Variants in GPC5 observed in about 807,000 individuals in gnomAD.
GPC5 encodes glypican-5.
In GPC5, 47 loss-of-function variants were observed where a neutral mutation model predicts 53.9. The observed-to-expected ratio is 0.87, with a 90% CI of 0.69 to 1.11. GPC5 has a LOEUF of 1.11. Among genes scored for constraint, GPC5 ranks in the 50% most tolerant of loss-of-function variants. The probability of loss-of-function intolerance (pLI) is 0.00; values close to 1 mark genes in which losing one functional copy is unlikely to be tolerated. For missense variants in GPC5, 748 were observed against 713.1 expected, an observed-to-expected ratio of 1.05 and a Z score of -0.56; for synonymous variants, 286 against 263.3, an observed-to-expected ratio of 1.09 and a Z score of -0.84.
chr13:92,260,405 T>G (rs558201399), intron 7 of GPC5, among the ~76,000 whole-genome samples: 138 of 152,306 alleles, frequency 9.1e-4, no homozygotes, highest in Admixed American at 2.2e-3. Flanking sequence ...AGAATCCTAT[T>G]TGAATACCCC....
chr13:91,870,636 C>T (rs976546607), intron 5 of GPC5, among the ~76,000 whole-genome samples: 9 of 152,002 alleles, frequency 5.9e-5, no homozygotes, highest in African/African-American at 7.3e-5. Flanking sequence ...GGAGTCTTCA[C>T]GCTATAGACG....
At chr13:91,573,786 A>G (rs2032032346) in intron 2 of GPC5, among the ~76,000 whole-genome samples, 1 of 152,202 alleles carries the variant, frequency 6.6e-6, no homozygotes, top group African/African-American at 2.4e-5. Flanking sequence ...AAAGAGATAA[A>G]TGTGGAGAGA....
At chr13:91,641,088 G>T (rs926738068) in intron 2 of GPC5, among the ~76,000 whole-genome samples, 5 of 152,310 alleles carry the variant, frequency 3.3e-5, no homozygotes, top group African/African-American at 9.6e-5. Context: ...AGCACTTTGG[G>T]AGGCCGAGGT....
intron 2 of GPC5, among the ~76,000 whole-genome samples, chr13:91,475,777 A>G (rs958358406): frequency 7.2e-5 from 11 of 152,178 alleles, no homozygotes; most frequent in Non-Finnish European, 1.5e-4. Flanking sequence ...GTGCCTCTTA[A>G]AGATGAGGCT....
chr13:92,408,023 G>A lies in GPC5; in HGVS notation c.1561+263034G>A, dbSNP rs190562687. The stretch of plus-strand genomic sequence containing the variant: ...CATGGCCGCCAAGTGGAACTGATCC[G>A]TGGCCCATGGCCTGTTAGGAACTTG... On this transcript the variant is annotated intron_variant, in intron 7 of 7. Transcript: ENST00000377067. Among the ~76,000 whole-genome samples the A allele has an allele frequency of 2.8e-3, 434 of 152,290 alleles. 2 individuals carry two copies. The highest frequency in any genetic ancestry group is 9.8e-3 in the African/African-American group (407 of 41,572).
At chr13:92,729,067 C>A (rs1437538627) in intron 7 of GPC5, among the ~76,000 whole-genome samples, 1 of 151,268 alleles carries the variant, frequency 6.6e-6, no homozygotes, top group Admixed American at 6.6e-5. Flanking sequence ...TTTATCTGTA[C>A]AAGAACAATA....
intron 5 of GPC5, among the ~76,000 whole-genome samples, chr13:91,758,407 C>T (rs2037340264): frequency 6.6e-6 from 1 of 151,940 alleles, no homozygotes; most frequent in South Asian, 2.1e-4. Flanking sequence ...TAATATACTA[C>T]ATTACATTAT....
At chr13:92,794,634 C>A (rs1232262093) in intron 7 of GPC5, among the ~76,000 whole-genome samples, 1 of 152,028 alleles carries the variant, frequency 6.6e-6, no homozygotes, top group Non-Finnish European at 1.5e-5. Flanking sequence ...TTTAGAAAAC[C>A]CCATCGTCTC....
rs566002281 is a variant in GPC5 at position 92,838,841 on chromosome 13, C to G, written c.1562-27441C>G. ...AAATAAGAATTCAGCGATTACATTA[C>G]TCATAAATTTCCTATGAAAACAAGT... On this transcript the variant is annotated intron_variant, in intron 7 of 7. Transcript: ENST00000377067. Among the ~76,000 whole-genome samples the G allele has an allele frequency of 7.2e-5, 11 of 152,280 alleles. No individual in the cohort carries two copies. In the South Asian group the frequency reaches 2.3e-3, roughly 32 times the overall value.
At chr13:91,991,578 C>G (rs560790292) in intron 6 of GPC5, among the ~76,000 whole-genome samples, 29 of 152,034 alleles carry the variant, frequency 1.9e-4, no homozygotes, top group African/African-American at 7.0e-4. Context: ...CTCTCTCTCT[C>G]TATACACACA....
At chr13:92,004,459 TA>T (rs1463555976) in intron 6 of GPC5, among the ~76,000 whole-genome samples, 593 of 17,592 alleles carry the variant, frequency 0.034, 10 homozygotes, top group African/African-American at 0.053. Flanking sequence ...AAAAAAAAAT[TA>T]TATATATATA....
At chr13:92,364,994 G>A (rs1304928951) in intron 7 of GPC5, among the ~76,000 whole-genome samples, 1 of 151,654 alleles carries the variant, frequency 6.6e-6, no homozygotes, top group African/African-American at 2.4e-5. Flanking sequence ...CTCTGTCATA[G>A]GGAGTATATC....
intron 7 of GPC5, among the ~76,000 whole-genome samples, chr13:92,695,975 T>G (rs1887545229): frequency 6.6e-6 from 1 of 152,186 alleles, no homozygotes; most frequent in Admixed American, 6.5e-5. Context: ...TGTGTTAGTT[T>G]GCTGAGAATG....
chr13:92,736,537 T>C (rs1888940158), intron 7 of GPC5, among the ~76,000 whole-genome samples: 1 of 151,872 alleles, frequency 6.6e-6, no homozygotes, highest in Non-Finnish European at 1.5e-5. Flanking sequence ...CTCCTTCTCA[T>C]ATTTTGTATG....
At chr13:92,793,974 A>T (rs555729917) in intron 7 of GPC5, among the ~76,000 whole-genome samples, 1 of 152,292 alleles carries the variant, frequency 6.6e-6, no homozygotes, top group East Asian at 1.9e-4. Context: ...AGCTGGTACC[A>T]TTCCTTCTGA....
intron 7 of GPC5, among the ~76,000 whole-genome samples, chr13:92,829,984 A>G (rs760698225): frequency 6.6e-6 from 1 of 152,130 alleles, no homozygotes; most frequent in African/African-American, 2.4e-5. Flanking sequence ...AATCCAAGGT[A>G]TAAAGAAAAC....
intron 6 of GPC5, among the ~76,000 whole-genome samples, chr13:92,056,974 A>T (rs1434352446): frequency 6.6e-6 from 1 of 151,948 alleles, no homozygotes; most frequent in South Asian, 2.1e-4. Flanking sequence ...AAGACCTCTT[A>T]CTCCCTCCTG....
intron 7 of GPC5, among the ~76,000 whole-genome samples, chr13:92,222,858 A>G (rs1320243878): frequency 6.6e-6 from 1 of 152,212 alleles, no homozygotes; most frequent in Non-Finnish European, 1.5e-5. Flanking sequence ...CAAAATTAGC[A>G]TGTATTCATT....
chr13:92,628,106 G>A (rs1885104553), intron 7 of GPC5, among the ~76,000 whole-genome samples: 1 of 151,984 alleles, frequency 6.6e-6, no homozygotes, highest in Non-Finnish European at 1.5e-5. Context: ...TAAGTGCTAA[G>A]TAAAGGAGAT....
Sources: allele counts gnomAD v4.1 joint callset (sites outside exome capture counted in the v4.1 genomes callset), GRCh38; gene constraint gnomAD v4.1.1; transcripts MANE v1.5; gene names NCBI Gene and HGNC (gene_info 2026-07-23, HGNC 2026-07-21).